FARSB: variants seen among roughly 807,000 people sequenced by gnomAD.
FARSB encodes the protein phenylalanine--tRNA ligase beta subunit.
In FARSB, 40 loss-of-function variants were observed where a neutral mutation model predicts 69.6. The observed-to-expected ratio is 0.57, with a 90% CI of 0.45 to 0.75. The LOEUF is 0.75. FARSB is among the 30% of genes least tolerant of loss of function. FARSB has a pLI of 0.00. For missense variants in FARSB, 632 were observed against 722.9 expected (o/e 0.87, Z 1.44); for synonymous variants, 235 against 247.2 (o/e 0.95, Z 0.46).
intron 16 of FARSB, among the ~76,000 whole-genome samples, chr2:222,589,771 T>A (rs1306543821): frequency 6.6e-6 from 1 of 152,132 alleles, no homozygotes; most frequent in Non-Finnish European, 1.5e-5. Flanking sequence ...AAAATGCTCA[T>A]CATCACTGGC....
chr2:222,595,356 A>T (rs2106193469), intron 16 of FARSB, among the ~76,000 whole-genome samples: 1 of 152,242 alleles, frequency 6.6e-6, no homozygotes, highest in East Asian at 1.9e-4. Flanking sequence ...TCACAATTTC[A>T]CCCATATTTT....
chr2:222,646,930 G>T (rs181737594), intron 2 of FARSB, among the ~76,000 whole-genome samples: 80 of 152,262 alleles, frequency 5.3e-4, no homozygotes, highest in African/African-American at 1.7e-3. Context: ...TTCTTTATGG[G>T]CCAAACACAG....
intron 1 of FARSB, among the ~76,000 whole-genome samples, chr2:222,654,301 AAC>A (rs1160102315): frequency 1.3e-5 from 2 of 152,246 alleles, no homozygotes; most frequent in African/African-American, 2.4e-5. Context: ...ACTTGTCAAA[AAC>A]ACAGTCAAAA....
intron 15 of FARSB, among the ~76,000 whole-genome samples, chr2:222,606,547 C>T (rs1045387906): frequency 1.3e-5 from 2 of 152,186 alleles, no homozygotes; most frequent in Admixed American, 1.3e-4. Context: ...CTATGTATTT[C>T]ACAGACTTCA....
chr2:222,574,900 G>T (rs1216486358), intron 16 of FARSB, among the ~76,000 whole-genome samples: 1 of 152,134 alleles, frequency 6.6e-6, no homozygotes, highest in Non-Finnish European at 1.5e-5. Context: ...TAAAAAATGT[G>T]CCACTTGACA....
Position 222,573,712 on chromosome 2 carries a change from G to A in FARSB, c.1619-1690C>T, listed in dbSNP as rs1465492795. The stretch of plus-strand genomic sequence containing the variant: ...ACTGCAGAACTGGAAGGACTGCTGG[G>A]AATTATTTATCCCAGCACCCCAGCA... On this transcript the variant is annotated intron_variant, in intron 16 of 16. Coordinates refer to ENST00000281828, the MANE Select transcript of FARSB (RefSeq NM_005687.5). Among the ~76,000 whole-genome samples, 5 of 152,102 alleles carry A rather than the reference G, an allele frequency of 3.3e-5. No homozygotes were observed. The South Asian group carries it at 1.0e-3, about 32-fold the overall frequency.
chr2:222,612,023 G>T (rs1185271728), intron 15 of FARSB, among the ~76,000 whole-genome samples: 1 of 152,096 alleles, frequency 6.6e-6, no homozygotes, highest in Non-Finnish European at 1.5e-5. Flanking sequence ...TTATAAACAT[G>T]AACAGATCAT....
chr2:222,617,474 C>G (rs1691027457), intron 14 of FARSB, among the ~76,000 whole-genome samples: 1 of 152,190 alleles, frequency 6.6e-6, no homozygotes, highest in Non-Finnish European at 1.5e-5. Flanking sequence ...GAAAAACTAC[C>G]TATTGGGTAC....
intron 16 of FARSB, among the ~76,000 whole-genome samples, chr2:222,591,427 G>T (rs902772171): frequency 1.3e-5 from 2 of 152,154 alleles, no homozygotes; most frequent in Non-Finnish European, 2.9e-5. Flanking sequence ...TTTATGAATA[G>T]CTAGACAGAT....
chr2:222,609,943 G>A (rs1461663592), intron 15 of FARSB, among the ~76,000 whole-genome samples: 1 of 152,108 alleles, frequency 6.6e-6, no homozygotes, highest in Non-Finnish European at 1.5e-5. Context: ...TACAAGGCTG[G>A]GAAGGTTGGG....
intron 1 of FARSB, among the ~76,000 whole-genome samples, chr2:222,650,165 A>G (rs1691993893): frequency 6.6e-6 from 1 of 152,252 alleles, no homozygotes; most frequent in Non-Finnish European, 1.5e-5. Flanking sequence ...GGCGTGAAAC[A>G]GCATGGCAAA....
intron 15 of FARSB, among the ~76,000 whole-genome samples, chr2:222,611,594 T>G (rs1690855338): frequency 6.6e-6 from 1 of 152,098 alleles, no homozygotes; most frequent in African/African-American, 2.4e-5. Context: ...ATTACAGGCA[T>G]GAACCAACAC....
intron 2 of FARSB, among the ~76,000 whole-genome samples, chr2:222,643,828 T>C (rs939965088): frequency 6.6e-6 from 1 of 151,944 alleles, no homozygotes; most frequent in Non-Finnish European, 1.5e-5. Flanking sequence ...TGGCAAAGAG[T>C]TTAGAATATC....
chr2:222,616,211 T>C (rs1440987309), intron 14 of FARSB, among the ~76,000 whole-genome samples: 1 of 152,064 alleles, frequency 6.6e-6, no homozygotes, highest in African/African-American at 2.4e-5. Flanking sequence ...GAGGTGCAAG[T>C]TGTAGATTAA....
At position 222,640,288 on chromosome 2, in the gene FARSB, T is replaced by C. The variant is rs954279655; in HGVS notation, c.339+574A>G. 2.0e-5 allele frequency among the ~76,000 whole-genome samples: 3 copies of C among 151,894 alleles called. 1 individual carries two copies. The highest frequency in any genetic ancestry group is 2.0e-4 in the Admixed American group (3 of 15,268). On this transcript the variant is annotated intron_variant, in intron 4 of 16. Coordinates refer to ENST00000281828, the MANE Select transcript of FARSB (RefSeq NM_005687.5). ...GAAGGATCCTTTGAGCTCAGGAATT[T>C]GAGAGCAGCCTGGGCAACATAGTGA... is the stretch of plus-strand genomic sequence containing the variant.
chr2:222,625,127 G>A (rs1476656700), intron 10 of FARSB, among the ~76,000 whole-genome samples: 3 of 152,044 alleles, frequency 2.0e-5, no homozygotes, highest in African/African-American at 4.8e-5. Context: ...TTTCAGTCTC[G>A]TCCTATGCAA....
chr2:222,599,832 T>A, intron 16 of FARSB, 96 bp downstream of exon 16: 1 of 985,884 alleles, frequency 1.0e-6, no homozygotes, highest in Non-Finnish European at 1.5e-6. Context: ...CCTTTCTTTC[T>A]AAAATCCCAA....
intron 16 of FARSB, among the ~76,000 whole-genome samples, chr2:222,572,536 C>T (rs951098248): frequency 8.5e-5 from 13 of 152,176 alleles, no homozygotes; most frequent in African/African-American, 2.4e-5. Flanking sequence ...AAACTGGAGC[C>T]GCCGTGTCAT....
intron 15 of FARSB, among the ~76,000 whole-genome samples, chr2:222,607,605 C>T (rs73993710): frequency 0.048 from 7,262 of 150,574 alleles, 300 homozygotes; most frequent in African/African-American, 0.11. Flanking sequence ...AGAAAAGGGC[C>T]GGCAACTAAT....
Sources: allele counts gnomAD v4.1 joint callset (sites outside exome capture counted in the v4.1 genomes callset), GRCh38; gene constraint gnomAD v4.1.1; transcripts MANE v1.5; gene names NCBI Gene and HGNC (gene_info 2026-07-23, HGNC 2026-07-21).